The following LAMA5 variants were observed in gnomAD, a reference collection of about 807,000 sequenced individuals.
The protein encoded by LAMA5 is laminin subunit alpha-5.
A neutral mutation model predicts 433.4 loss-of-function variants in LAMA5; 260 were observed. That is an observed-to-expected ratio of 0.60 (90% CI 0.54 to 0.66). The LOEUF (loss-of-function observed/expected upper bound fraction) is 0.66, where lower values mean the gene tolerates loss of function less well. LAMA5 is among the 30% of genes least tolerant of loss of function. The pLI is 0.00. For missense variants in LAMA5, 5,378 were observed against 5,258.5 expected (o/e 1.02, Z -0.70); for synonymous variants, 2,620 against 2,226.6 (o/e 1.18, Z -4.97).
chr20:62,316,142 A>G (rs1986906451), intron 57 of LAMA5, 84 bp from the exon 58 acceptor site: 1 of 911,954 alleles, frequency 1.1e-6, no homozygotes, highest in African/African-American at 1.6e-5. Context: ...TGACCCCAGG[A>G]GGACCAAGGC....
chr20:62,317,020 G>T lies in LAMA5; in HGVS notation c.7515C>A (p.Ile2505=). Residue 2505 remains isoleucine, a synonymous_variant, in exon 56 of 80, where the codon ATC becomes ATA. Transcript: ENST00000252999. ...LGQLALNLSS[I]ILDVNQDRLT... ...GGCGGTCCTGGTTGACGTCCAGGAT[G>T]ATGCTGCAGCGGAAGGGAGGGTCGA... The T allele has an allele frequency of 1.3e-6, 2 of 1,525,644 alleles. No individual in the cohort carries two copies. The highest frequency in any genetic ancestry group is 1.4e-5 in the African/African-American group (1 of 72,172). The allele number at this position is 1,525,644 out of a possible 1,614,324, so 94.5% of individuals were successfully genotyped here.
chr20:62,321,935 A>G, intron 48 of LAMA5, 84 bp downstream of exon 48: 1 of 1,384,616 alleles, frequency 7.2e-7, no homozygotes, highest in Non-Finnish European at 1.0e-6. Flanking sequence ...TGGGAGGTCG[A>G]CGTTAACACT....
At position 62,316,053 on chromosome 20, in the gene LAMA5, C is replaced by T; in HGVS notation, c.7762G>A (p.Ala2588Thr). The T allele has an allele frequency of 1.9e-6, 3 of 1,606,128 alleles. No individual in the cohort carries two copies. The highest frequency in any genetic ancestry group is 2.5e-6 in the Non-Finnish European group (3 of 1,178,026). Residue 2588 changes from alanine to threonine, a missense_variant, in exon 58 of 80, where the codon GCT (alanine) becomes ACT (threonine). Physicochemically the swap from Ala to Thr is moderately conservative, Grantham distance 58 (BLOSUM62 0). Transcript: ENST00000252999. ...TGGGTCCTGGCACCCTGGAGGGCAG[C>T]CCACACTGCGGGGGAGGCAGCTTCA... ...QEQQRLGLVW[A>T]ALQGARTQLR...
chr20:62,310,883 CCTT>C lies in LAMA5; in HGVS notation c.10281+16_10281+18del, dbSNP rs1379826024. 6.2e-7 allele frequency: 1 copy of C among 1,608,264 alleles called. No individual in the cohort carries two copies. Among genetic ancestry groups the C allele is most frequent in the Middle Eastern group, 1.7e-4 (1 of 6,048 alleles). On this transcript the variant is annotated intron_variant, in intron 74 of 79. Coordinates refer to ENST00000252999, the MANE Select transcript of LAMA5 (RefSeq NM_005560.6). Reference sequence around the variant, plus strand: ...GCTGCCAGGCCCTGCCCACCACCTTCCTTCTTCTCGGCCCTCACCTTGTGCCAG... The same window carrying C: ...GCTGCCAGGCCCTGCCCACCACCTTCCTTCTCGGCCCTCACCTTGTGCCAG...
intron 11 of LAMA5, among the ~76,000 whole-genome samples, chr20:62,342,936 G>A (rs1982816515): frequency 6.6e-6 from 1 of 152,216 alleles, no homozygotes; most frequent in Non-Finnish European, 1.5e-5. Context: ...TCATTGTAAT[G>A]AACACATTGA....
Position 62,323,481 on chromosome 20 carries a change from G to T in LAMA5, c.6039C>A (p.Asn2013Lys), listed in dbSNP as rs376871508. ...CEICAPGFYG[N>K]ALLPGNCTRC... Reference sequence around the variant, plus strand: ...GGGTGCAGTTGCCGGGCAGCAGGGCGTTGCCGTAGAAGCCGGGGGCACAGA... The same window carrying T: ...GGGTGCAGTTGCCGGGCAGCAGGGCTTTGCCGTAGAAGCCGGGGGCACAGA... The change falls in exon 45 of 80, where the codon AAC (asparagine) becomes AAA (lysine). Residue 2013 changes from asparagine to lysine, a missense_variant. Transcript: ENST00000252999. The T allele has an allele frequency of 5.8e-6, 9 of 1,547,534 alleles. No individual in the cohort carries two copies. In the African/African-American group the frequency reaches 1.2e-4, roughly 21 times the overall value.
In LAMA5 at chr20:62,329,401, G is replaced by A. The variant is rs62204519; in HGVS notation, c.4120-148C>T. The A allele has an allele frequency of 0.05, 32,161 of 643,310 alleles. 997 individuals are homozygous for A. The highest frequency in any genetic ancestry group is 0.087 in the African/African-American group (4,725 of 54,546). 39.9% of individuals were successfully genotyped at this position (643,310 alleles called of 1,614,324 possible). ...CAGCCCAGCCCAGCCCTGGGCCCTG[G>A]CTGCTCAGGGGAGGCCACTCCAAGC... On this transcript the variant is annotated intron_variant, in intron 32 of 79. Coordinates refer to ENST00000252999, the MANE Select transcript of LAMA5 (RefSeq NM_005560.6).
At chr20:62,313,483 G>A (rs1986551735) in intron 63 of LAMA5, 23 bp from the exon 64 acceptor site, 2 of 1,585,542 alleles carry the variant, frequency 1.3e-6, no homozygotes, top group Non-Finnish European at 1.7e-6. Context: ...GGCTGGGTCA[G>A]GGCACCTGGC....
Position 62,326,434 on chromosome 20 carries a change from T to C in LAMA5, c.5298+243A>G, listed in dbSNP as rs116623043. 632 of 481,584 alleles carry C rather than the reference T, an allele frequency of 1.3e-3. 3 individuals carry two copies. The highest frequency in any genetic ancestry group is 0.011 in the African/African-American group (572 of 51,554). 29.8% of individuals were successfully genotyped at this position (481,584 alleles called of 1,614,324 possible). A position where few individuals can be genotyped will look rare whatever the true frequency, so the allele number is the denominator to read the frequency against. ...AAGCCAACAGCTACTGAGCAGCTGCTCACCCCTCAGGGATCAGGGACTCAC... is the reference window on the plus strand; with the variant it reads ...AAGCCAACAGCTACTGAGCAGCTGCCCACCCCTCAGGGATCAGGGACTCAC... On this transcript the variant is annotated intron_variant, in intron 40 of 79. Transcript: ENST00000252999.
At position 62,324,541 on chromosome 20, in the gene LAMA5, C is replaced by T. The variant is rs775819104; in HGVS notation, c.5543G>A (p.Gly1848Asp). Residue 1848 changes from glycine to aspartate, a missense_variant, in exon 42 of 80, where the codon GGC (glycine) becomes GAC (aspartate). Gly to Asp is a moderately conservative substitution (Grantham distance 94). Coordinates refer to ENST00000252999, the MANE Select transcript of LAMA5 (RefSeq NM_005560.6). This position sits in a 1 kb window ranked among gnomAD's most constrained non-coding sequence, Gnocchi z 4.4. ...RGDSCQECAPGFYRDVKGLFL... is the reference protein window; with the variant it reads ...RGDSCQECAPDFYRDVKGLFL... ...GAGACCTTTGACGTCCCGATAGAAGCCGGGGGCACATTCCTGAGGGTGTAC... is the reference window on the plus strand; with the variant it reads ...GAGACCTTTGACGTCCCGATAGAAGTCGGGGGCACATTCCTGAGGGTGTAC... 8 of 1,611,376 alleles carry T rather than the reference C, an allele frequency of 5.0e-6. No homozygotes were observed. The Admixed American group carries it at 1.0e-4, about 20-fold the overall frequency.
chr20:62,318,309 A>AGGG lies in LAMA5; in HGVS notation c.7239+144_7239+145insCCC, dbSNP rs1336804888. The AGGG allele has an allele frequency of 6.2e-5, 19 of 304,842 alleles. 5 individuals are homozygous for AGGG. The highest frequency in any genetic ancestry group is 5.6e-4 in the African/African-American group (8 of 14,352). The allele number at this position is 304,842 out of a possible 1,614,324, so 18.9% of individuals were successfully genotyped here. ...GAGGAAGAGGAGGAGGGGGGGAAGA[A>AGGG]GAGGAGGAGGGGGGGAGGACGAGGG... On this transcript the variant is annotated intron_variant, in intron 53 of 79. Coordinates refer to ENST00000252999, the MANE Select transcript of LAMA5 (RefSeq NM_005560.6).
rs1568946433 is a variant in LAMA5, at chr20:62,335,050, A to T, written c.2453T>A (p.Leu818Gln). The T allele has an allele frequency of 6.2e-7, 1 of 1,612,972 alleles. No individual in the cohort carries two copies. ...CASCKDGFFG[L>Q]DQADYFGCRS... ...GCAGCCAAAATAGTCAGCCTGATCC[A>T]GTCCAAAGAAGCCATCCTTGCAGGA... Residue 818 changes from leucine (L) to glutamine (Q), a missense_variant, in exon 20 of 80, where the codon CTG (leucine) becomes CAG (glutamine). Coordinates refer to ENST00000252999, the MANE Select transcript of LAMA5 (RefSeq NM_005560.6).
chr20:62,366,154 C>G (rs1986703053), intron 1 of LAMA5, among the ~76,000 whole-genome samples: 1 of 152,266 alleles, frequency 6.6e-6, no homozygotes, highest in African/African-American at 2.4e-5. Context: ...GCCGTTGGAG[C>G]TGACTTTGCT....
In LAMA5 at chr20:62,324,168, G is replaced by A. The variant is rs141989486; in HGVS notation, c.5680C>T (p.Arg1894Cys). ...CTGCTCACGAAGCCAGCCTGGCAGC[G>A]CTCACAGTGGGCCCCTTCGGTGTTG... ...QHNTEGAHCERCQAGFVSSRD... is the reference protein window; with the variant it reads ...QHNTEGAHCECCQAGFVSSRD... Residue 1894 changes from arginine to cysteine, a missense_variant, in exon 43 of 80, where the codon CGC becomes TGC. Arg to Cys is a radical substitution (Grantham distance 180). Transcript: ENST00000252999. This position sits in a 1 kb window ranked among gnomAD's most constrained non-coding sequence, Gnocchi z 4.4. 9.5e-4 allele frequency: 1,482 copies of A among 1,565,526 alleles called. 2 individuals are homozygous for A. Among genetic ancestry groups the A allele is most frequent in the Non-Finnish European group, 1.2e-3 (1,344 of 1,165,410 alleles).
At chr20:62,332,926 TGCAGGAG>T (rs143316001) in intron 26 of LAMA5, among the ~76,000 whole-genome samples, 157 bp downstream of exon 26, 8 of 150,744 alleles carry the variant, frequency 5.3e-5, no homozygotes, top group East Asian at 4.0e-4. Context: ...AGGTCACACA[TGCAGGAG>T]GCAGGAGGCA....
At chr20:62,340,314 T>G (rs987544891) in intron 11 of LAMA5, among the ~76,000 whole-genome samples, 9 of 142,804 alleles carry the variant, frequency 6.3e-5, no homozygotes, top group South Asian at 4.8e-4. Context: ...TGTTTTTTTT[T>G]TTTTTTTTTT....
chr20:62,329,870 G>A lies in LAMA5; in HGVS notation c.4026C>T (p.Thr1342=). Residue 1342 remains threonine, a synonymous_variant, in exon 32 of 80, where the codon ACC becomes ACT. Coordinates refer to ENST00000252999, the MANE Select transcript of LAMA5 (RefSeq NM_005560.6). ...SFCPHGYGCR[T]LVVCEGQALL... is the part of the protein sequence containing the mutation. ...GGGCCTGGCCCTCACACACCACCAGGGTGCGGCAGCCGTAGCCATGTGGAC... is the reference window on the plus strand; with the variant it reads ...GGGCCTGGCCCTCACACACCACCAGAGTGCGGCAGCCGTAGCCATGTGGAC... 4 of 1,611,512 alleles carry A rather than the reference G, an allele frequency of 2.5e-6. No individual in the cohort carries two copies. Among genetic ancestry groups the A allele is most frequent in the Non-Finnish European group, 2.5e-6 (3 of 1,179,682 alleles).
chr20:62,312,652 C>T lies in LAMA5; in HGVS notation c.9207G>A (p.Pro3069=), dbSNP rs547293997. 55 of 1,606,910 alleles carry T rather than the reference C, an allele frequency of 3.4e-5. 1 individual carries two copies. The South Asian group carries it at 5.7e-4, about 17-fold the overall frequency. The change falls in exon 67 of 80, where the codon CCG becomes CCA. Residue 3069 remains proline (P), a synonymous_variant. Coordinates refer to ENST00000252999, the MANE Select transcript of LAMA5 (RefSeq NM_005560.6). Reference sequence around the variant, plus strand: ...CTTACCTCGGGGGCAGCTGGTCGGGCGGCACGCCCCCCAGGTAGTAGGCGT... The same window carrying T: ...CTTACCTCGGGGGCAGCTGGTCGGGTGGCACGCCCCCCAGGTAGTAGGCGT... ...LADAYYLGGV[P]PDQLPPSLRR... is the part of the protein sequence containing the mutation.
intron 48 of LAMA5, 93 bp from the exon 49 acceptor site, chr20:62,320,983 G>T: frequency 7.1e-7 from 1 of 1,404,656 alleles, no homozygotes; most frequent in Non-Finnish European, 9.7e-7. Flanking sequence ...GGTGGGGAGG[G>T]CTCAGCCAGA....
Sources: allele counts gnomAD v4.1 joint callset (sites outside exome capture counted in the v4.1 genomes callset), GRCh38; gene constraint gnomAD v4.1.1; non-coding constraint Gnocchi (gnomAD v3.1); transcripts MANE v1.5; gene names NCBI Gene and HGNC (gene_info 2026-07-23, HGNC 2026-07-21).